KCNMB2: variants seen among roughly 807,000 people sequenced by gnomAD.
KCNMB2 encodes calcium-activated potassium channel subunit beta-2.
KCNMB2 carries 9 observed loss-of-function variants against 24.5 expected under a neutral mutation model. That is an observed-to-expected ratio of 0.37 (90% confidence interval 0.22 to 0.64). KCNMB2 has a LOEUF of 0.64. Among genes scored for constraint, KCNMB2 ranks in the 30% least tolerant of loss-of-function variants. The pLI is 0.63. For missense variants in KCNMB2, 226 were observed against 284.3 expected (o/e 0.79, Z 1.47); for synonymous variants, 109 against 104.4 (o/e 1.04, Z -0.27).
intron 4 of KCNMB2, among the ~76,000 whole-genome samples, chr3:178,840,614 G>A (rs1715393618): frequency 6.6e-6 from 1 of 152,210 alleles, no homozygotes; most frequent in Non-Finnish European, 1.5e-5. Flanking sequence ...TTGCACACCT[G>A]CAGTCCCAAC....
At chr3:178,759,674 A>C (rs1340407035) in intron 1 of KCNMB2, among the ~76,000 whole-genome samples, 8,134 of 113,682 alleles carry the variant, frequency 0.072, 1,267 homozygotes, top group Non-Finnish European at 0.1. Context: ...ATATATATAT[A>C]TATATCCAAG....
intron 1 of KCNMB2, among the ~76,000 whole-genome samples, chr3:178,581,275 C>T (rs140382558): frequency 5.3e-5 from 8 of 152,268 alleles, no homozygotes; most frequent in African/African-American, 1.9e-4. Context: ...GAAAAGATTC[C>T]CTATTTAATA....
rs937619074 is a variant in KCNMB2 at position 178,767,198 on chromosome 3, T to C, written c.-67-40145T>C. 4.6e-5 allele frequency among the ~76,000 whole-genome samples: 7 copies of C among 152,224 alleles called. 1 individual carries two copies. The highest frequency in any genetic ancestry group is 1.7e-4 in the African/African-American group (7 of 41,456). ...TTCATCAGCAGATAAGCAACTGTAT[T>C]ATATTTATTCAAAGGAATAACGTTA... On this transcript the variant is annotated intron_variant, in intron 1 of 4. Coordinates refer to ENST00000452583, the MANE Select transcript of KCNMB2 (RefSeq NM_181361.3).
chr3:178,656,778 A>G (rs1720359134), intron 1 of KCNMB2, among the ~76,000 whole-genome samples: 1 of 152,164 alleles, frequency 6.6e-6, no homozygotes, highest in African/African-American at 2.4e-5. Flanking sequence ...TCTCAAAAAA[A>G]TAAATAAATA....
chr3:178,614,992 C>A (rs987100482), intron 1 of KCNMB2, among the ~76,000 whole-genome samples: 1 of 152,180 alleles, frequency 6.6e-6, no homozygotes, highest in Non-Finnish European at 1.5e-5. Context: ...CACCACAAGA[C>A]GAGTAATGCT....
At chr3:178,782,547 A>T (rs1210646663) in intron 1 of KCNMB2, among the ~76,000 whole-genome samples, 32 of 146,866 alleles carry the variant, frequency 2.2e-4, no homozygotes, top group Admixed American at 4.8e-4. Flanking sequence ...GCCAGTGATG[A>T]TGAGCATTTT....
intron 1 of KCNMB2, among the ~76,000 whole-genome samples, chr3:178,793,082 T>A (rs1713389196): frequency 6.6e-6 from 1 of 152,074 alleles, no homozygotes; most frequent in Non-Finnish European, 1.5e-5. Flanking sequence ...CACCATGGAG[T>A]CACTCAATCC....
chr3:178,624,005 C>G (rs1460730984), intron 1 of KCNMB2, among the ~76,000 whole-genome samples: 3 of 152,202 alleles, frequency 2.0e-5, no homozygotes, highest in Non-Finnish European at 2.9e-5. Flanking sequence ...ACATCAGACA[C>G]AGCTGCCCCT....
intron 1 of KCNMB2, among the ~76,000 whole-genome samples, chr3:178,703,486 T>C (rs1190158644): frequency 1.3e-5 from 2 of 150,148 alleles, no homozygotes; most frequent in Non-Finnish European, 3.0e-5. Flanking sequence ...ATGGAGACCC[T>C]GGTAAGTCCC....
chr3:178,585,447 A>G (rs1214585704), intron 1 of KCNMB2, among the ~76,000 whole-genome samples: 2 of 152,216 alleles, frequency 1.3e-5, no homozygotes, highest in East Asian at 3.8e-4. Flanking sequence ...CGTGGCCACA[A>G]TGCATCAAAG....
chr3:178,661,259 T>C (rs997914583), intron 1 of KCNMB2, among the ~76,000 whole-genome samples: 1 of 152,070 alleles, frequency 6.6e-6, no homozygotes, highest in Non-Finnish European at 1.5e-5. Context: ...GTTCCTGTGT[T>C]AGTTTGTTGA....
In KCNMB2 at chr3:178,568,773, T is replaced by TA. The variant is rs1225922816; in HGVS notation, c.-68+32062_-68+32063insA. Among the ~76,000 whole-genome samples the TA allele has an allele frequency of 1.6e-4, 18 of 116,068 alleles. No homozygotes were observed. The East Asian group carries it at 4.1e-3, about 27-fold the overall frequency. The allele number at this position is 116,068 out of a possible 152,430, so 76.1% of individuals were successfully genotyped here. On this transcript the variant is annotated intron_variant, in intron 1 of 4. Coordinates refer to ENST00000452583, the MANE Select transcript of KCNMB2 (RefSeq NM_181361.3). The stretch of plus-strand genomic sequence containing the variant: ...GATAGATAGATGATAGATAGATAGA[T>TA]GATAGATAGATAGATAGATAGATAG...
intron 1 of KCNMB2, among the ~76,000 whole-genome samples, chr3:178,595,820 G>A (rs188999025): frequency 6.6e-6 from 1 of 152,088 alleles, no homozygotes; most frequent in Non-Finnish European, 1.5e-5. Context: ...CCAAACCAAT[G>A]AATGGCGCAG....
At chr3:178,821,430 T>C (rs1003501173) in intron 2 of KCNMB2, among the ~76,000 whole-genome samples, 1 of 152,104 alleles carries the variant, frequency 6.6e-6, no homozygotes. Flanking sequence ...CTTTACTACT[T>C]GGACATGCAA....
At chr3:178,726,571 G>GTT (rs137863656) in intron 1 of KCNMB2, among the ~76,000 whole-genome samples, 10 of 151,092 alleles carry the variant, frequency 6.6e-5, no homozygotes, top group African/African-American at 1.7e-4. Flanking sequence ...TGGTTGACAG[G>GTT]TTTTTTTTCA....
At chr3:178,683,018 C>T (rs1043967852) in intron 1 of KCNMB2, among the ~76,000 whole-genome samples, 11 of 152,040 alleles carry the variant, frequency 7.2e-5, no homozygotes, top group Admixed American at 5.9e-4. Context: ...AATAAATCTA[C>T]CAAAAAGACA....
chr3:178,590,728 G>A (rs575805090), intron 1 of KCNMB2, among the ~76,000 whole-genome samples: 1 of 152,270 alleles, frequency 6.6e-6, no homozygotes, highest in South Asian at 2.1e-4. Flanking sequence ...CTTGTAGTTG[G>A]AGAAAACACT....
At chr3:178,816,869 C>A (rs28490096) in intron 2 of KCNMB2, among the ~76,000 whole-genome samples, 39,955 of 151,876 alleles carry the variant, frequency 0.26, 7,065 homozygotes, top group African/African-American at 0.51. Flanking sequence ...CAAAGTCTCC[C>A]TAGGTTATAA....
chr3:178,697,060 T>C (rs142018447), intron 1 of KCNMB2, among the ~76,000 whole-genome samples: 1 of 152,318 alleles, frequency 6.6e-6, no homozygotes, highest in East Asian at 1.9e-4. Context: ...CATGTGGTAA[T>C]AAGAAGAATG....
Sources: allele counts gnomAD v4.1 joint callset (sites outside exome capture counted in the v4.1 genomes callset), GRCh38; gene constraint gnomAD v4.1.1; transcripts MANE v1.5; gene names NCBI Gene and HGNC (gene_info 2026-07-23, HGNC 2026-07-21).